The following EHF variants were observed in gnomAD, a reference collection of about 807,000 sequenced individuals.
The protein encoded by EHF is ETS homologous factor, also known as ESE3 transcription factor.
EHF carries 14 observed loss-of-function variants against 45.1 expected under a neutral mutation model. That is an observed-to-expected ratio of 0.31 (90% CI 0.21 to 0.49). The LOEUF is 0.49. Among genes scored for constraint, EHF ranks in the 20% least tolerant of loss-of-function variants. The pLI is 0.99. For missense variants in EHF, 282 were observed against 371.4 expected, an observed-to-expected ratio of 0.76 and a Z score of 1.98; for synonymous variants, 136 against 131.8, an observed-to-expected ratio of 1.03 and a Z score of -0.22.
At chr11:34,622,330 C>T in intron 1 of EHF, 1 of 996,744 alleles carries the variant, frequency 1.0e-6, no homozygotes, top group Non-Finnish European at 1.4e-6. Context: ...CTGCACTCAC[C>T]TTGGTAACAG....
intron 4 of EHF, 95 bp from the exon 5 acceptor site, chr11:34,651,447 C>G (rs980569705): frequency 1.6e-5 from 16 of 981,326 alleles, no homozygotes; most frequent in South Asian, 4.0e-5. Context: ...TCCTCACCCC[C>G]CATACTTTGT....
rs1431894764 is a variant in EHF, at chr11:34,622,538, G to T, written c.-4+1310G>T. 1.0e-5 allele frequency: 4 copies of T among 381,380 alleles called. No homozygotes were observed. The South Asian group carries it at 1.4e-4, about 14-fold the overall frequency. 23.6% of individuals were successfully genotyped at this position (381,380 alleles called of 1,614,324 possible). A position where few individuals can be genotyped will look rare whatever the true frequency, so the allele number is the denominator to read the frequency against. ...TTTCTAACAGAAAAGAAGAAGATACGTTATTAGGAAGAATTTCATGGCTAG... is the reference window on the plus strand; with the variant it reads ...TTTCTAACAGAAAAGAAGAAGATACTTTATTAGGAAGAATTTCATGGCTAG... On this transcript the variant is annotated intron_variant, in intron 1 of 8. Transcript: ENST00000257831.
chr11:34,651,636 C>T (rs1425930126), intron 5 of EHF, 26 bp downstream of exon 5: 1 of 1,609,276 alleles, frequency 6.2e-7, no homozygotes, highest in Non-Finnish European at 8.5e-7. Flanking sequence ...ACACTTAAGG[C>T]CCTTTACATT....
intron 6 of EHF, among the ~76,000 whole-genome samples, chr11:34,654,971 G>T (rs562709085): frequency 6.6e-6 from 1 of 152,270 alleles, no homozygotes; most frequent in African/African-American, 2.4e-5. Flanking sequence ...CTCTTTGTCT[G>T]CAGTACAACG....
At chr11:34,657,753 G>C (rs1382117233) in intron 7 of EHF, among the ~76,000 whole-genome samples, 4 of 151,122 alleles carry the variant, frequency 2.6e-5, no homozygotes, top group South Asian at 2.1e-4. Context: ...TTGCACCACT[G>C]TACTCCAGCT....
In EHF at chr11:34,635,256, C is replaced by G. The variant is rs936915260; in HGVS notation, c.-3-7372C>G. On this transcript the variant is annotated intron_variant, in intron 1 of 8. Transcript: ENST00000257831. ...CAGGCCCAAGCTGGCCTGCGTTGGTCTCTTCTGGAAGGTTCGCTCTGTATA... is the reference window on the plus strand; with the variant it reads ...CAGGCCCAAGCTGGCCTGCGTTGGTGTCTTCTGGAAGGTTCGCTCTGTATA... 4.1e-4 allele frequency among the ~76,000 whole-genome samples: 62 copies of G among 152,028 alleles called. 1 individual carries two copies. Among genetic ancestry groups the G allele is most frequent in the Admixed American group, 2.0e-4 (3 of 15,258 alleles).
At chr11:34,623,472 C>A (rs1262694531) in intron 1 of EHF, among the ~76,000 whole-genome samples, 1 of 152,174 alleles carries the variant, frequency 6.6e-6, no homozygotes, top group African/African-American at 2.4e-5. Flanking sequence ...GAAAGCCCTA[C>A]ATTCCCACTC....
chr11:34,642,829 A>G (rs1565034359), intron 2 of EHF, 102 bp downstream of exon 2: 2 of 845,264 alleles, frequency 2.4e-6, no homozygotes, highest in Non-Finnish European at 3.8e-6. Context: ...GCTTTACAGC[A>G]GAAGATGTGG....
intron 1 of EHF, chr11:34,642,291 AAAAAAAAAAG>A (rs1484201808): frequency 3.8e-5 from 6 of 158,548 alleles, no homozygotes; most frequent in Non-Finnish European, 6.6e-5. Flanking sequence ...TCACTTTTGT[AAAAAAAAAAG>A]AAAAAAAAAA....
intron 1 of EHF, among the ~76,000 whole-genome samples, chr11:34,633,009 A>G (rs1183396805): frequency 6.6e-6 from 1 of 152,182 alleles, no homozygotes; most frequent in Admixed American, 6.5e-5. Flanking sequence ...GCTTAAGTCC[A>G]GGGTAATTAA....
At chr11:34,627,242 A>G (rs984385590) in intron 1 of EHF, among the ~76,000 whole-genome samples, 3 of 152,006 alleles carry the variant, frequency 2.0e-5, no homozygotes, top group African/African-American at 7.3e-5. Flanking sequence ...AACCATATTA[A>G]GGGGGGACCT....
intron 2 of EHF, among the ~76,000 whole-genome samples, chr11:34,644,453 C>T (rs541833361): frequency 6.6e-6 from 1 of 152,240 alleles, no homozygotes; most frequent in East Asian, 1.9e-4. Flanking sequence ...CCTCCCCCAA[C>T]CCCTGACTAT....
At chr11:34,623,656 C>T (rs16925915) in intron 1 of EHF, among the ~76,000 whole-genome samples, 17,260 of 152,228 alleles carry the variant, frequency 0.11, 1,456 homozygotes, top group East Asian at 0.48. Context: ...GAAGGAGCTC[C>T]TATCGGGTCT....
chr11:34,646,420 G>C lies in EHF; in HGVS notation c.98-19G>C. ...GGAACAGCCAGGGGTCACTCATGAG[G>C]CTGCTTCCTGTTTTGCAGTTTCCAG... On this transcript the variant is annotated intron_variant, in intron 2 of 8. Transcript: ENST00000257831. 6.2e-7 allele frequency: 1 copy of C among 1,613,416 alleles called. No homozygotes were observed. The highest frequency in any genetic ancestry group is 1.7e-5 in the Admixed American group (1 of 60,010).
chr11:34,651,504 A>ATG (rs765553381), intron 4 of EHF, 38 bp from the exon 5 acceptor site: 9 of 1,570,790 alleles, frequency 5.7e-6, no homozygotes, highest in Non-Finnish European at 7.9e-6. Flanking sequence ...CCTGGGGAAA[A>ATG]GAGATCGCTG....
At position 34,660,294 on chromosome 11, in the gene EHF, C is replaced by T. The variant is rs1322950318; in HGVS notation, c.*1363C>T. 2 of 152,058 alleles carry T rather than the reference C, an allele frequency of 1.3e-5. No individual in the cohort carries two copies. Among genetic ancestry groups the T allele is most frequent in the African/African-American group, 2.4e-5 (1 of 41,400 alleles). 9.4% of individuals were successfully genotyped at this position (152,058 alleles called of 1,614,324 possible). A position where few individuals can be genotyped will look rare whatever the true frequency, so the allele number is the denominator to read the frequency against. On this transcript the variant is annotated 3_prime_UTR_variant, in exon 9 of 9. Coordinates refer to ENST00000257831, the MANE Select transcript of EHF (RefSeq NM_012153.6). ...TAAAATTATATTGTAGAAGGAAACA[C>T]CAAGAAAAGAATTTCCAGGGAAAAT...
chr11:34,642,449 A>C, intron 1 of EHF, 179 bp from the exon 2 acceptor site: 1 of 529,412 alleles, frequency 1.9e-6, no homozygotes, highest in Non-Finnish European at 3.4e-6. Flanking sequence ...TTGAACCTGG[A>C]AATTTTTAAT....
rs1590526681 is a variant in EHF, at chr11:34,651,448, C to T, written c.407-94C>T. 17 of 992,924 alleles carry T rather than the reference C, an allele frequency of 1.7e-5. No individual in the cohort carries two copies. The East Asian group carries it at 3.4e-4, about 20-fold the overall frequency. The allele number at this position is 992,924 out of a possible 1,614,324, so 61.5% of individuals were successfully genotyped here. On this transcript the variant is annotated intron_variant, in intron 4 of 8. Coordinates refer to ENST00000257831, the MANE Select transcript of EHF (RefSeq NM_012153.6). The stretch of plus-strand genomic sequence containing the variant: ...TCTCTGAGGACCACTCCTCACCCCC[C>T]ATACTTTGTTGATGAACAATGAATT...
intron 2 of EHF, among the ~76,000 whole-genome samples, chr11:34,643,554 T>A (rs1334352002): frequency 6.6e-6 from 1 of 152,170 alleles, no homozygotes; most frequent in African/African-American, 2.4e-5. Flanking sequence ...GACCAGAGCT[T>A]GGGAGGAGGC....
Sources: gnomAD v4.1 joint callset for allele counts (sites outside exome capture counted in the v4.1 genomes callset) on GRCh38, gnomAD v4.1.1 for gene constraint, MANE v1.5 for transcripts, NCBI Gene and HGNC (gene_info 2026-07-23, HGNC 2026-07-21) for gene names.